MROH9: variants seen among roughly 807,000 people sequenced by gnomAD.
The protein encoded by MROH9 is maestro heat like repeat family member 9, also known as maestro heat-like repeat-containing protein family member 9.
Under a neutral mutation model 98.2 loss-of-function variants are expected in MROH9, and 92 were observed. The observed-to-expected ratio is 0.94, with a 90% CI of 0.79 to 1.11. The LOEUF is 1.11. Among genes scored for constraint, MROH9 ranks in the 50% most tolerant of loss-of-function variants. MROH9 has a pLI of 0.00. For synonymous variants in MROH9, 397 were observed against 368.9 expected (o/e 1.08, Z -0.87); for missense variants, 1,057 against 1,014.8 (o/e 1.04, Z -0.57).
At chr1:170,958,690 C>T (rs1025945168) in intron 4 of MROH9, 150 bp downstream of exon 4, 10 of 525,618 alleles carry the variant, frequency 1.9e-5, no homozygotes, top group African/African-American at 7.7e-5. Context: ...TATACTCTTT[C>T]CCAGTCTTTT....
Position 171,024,525 on chromosome 1 carries a change from A to T in MROH9, c.2039A>T (p.Asp680Val), listed in dbSNP as rs1249553278. Residue 680 changes from aspartate (D) to valine (V), a missense_variant, in exon 18 of 22, where the codon GAT becomes GTT. Physicochemically the swap from Asp to Val is radical, Grantham distance 152. Coordinates refer to ENST00000367759, the MANE Select transcript of MROH9 (RefSeq NM_001163629.2). The part of the protein sequence containing the change: ...GLVPLILFLE[D>V]DDKRVAEACK... The stretch of plus-strand genomic sequence containing the variant: ...GTGCCCCTAATCCTATTTTTGGAGG[A>T]TGATGATAAAAGAGTAGCTGAAGTA... The T allele has an allele frequency of 1.3e-5, 20 of 1,535,668 alleles. No individual in the cohort carries two copies. The East Asian group carries it at 4.9e-4, about 38-fold the overall frequency.
chr1:170,971,413 T>C (rs1334464219), intron 7 of MROH9, among the ~76,000 whole-genome samples: 1 of 152,184 alleles, frequency 6.6e-6, no homozygotes, highest in Non-Finnish European at 1.5e-5. Flanking sequence ...CCTGGGAATT[T>C]GCTACCTGCA....
chr1:171,033,932 A>C (rs1029453163), intron 20 of MROH9, among the ~76,000 whole-genome samples: 7 of 152,162 alleles, frequency 4.6e-5, no homozygotes, highest in Non-Finnish European at 8.8e-5. Flanking sequence ...TCATTTTTTC[A>C]AGAAATATTT....
intron 3 of MROH9, among the ~76,000 whole-genome samples, chr1:170,958,053 C>A (rs1038115509): frequency 6.6e-6 from 1 of 152,102 alleles, no homozygotes; most frequent in Admixed American, 6.5e-5. Flanking sequence ...TCGTGGTCCC[C>A]CCGCCTCGGC....
At position 171,053,019 on chromosome 1, in the gene MROH9, C is replaced by T. The variant is rs116477407; in HGVS notation, c.2282-9113C>T. Among the ~76,000 whole-genome samples the T allele has an allele frequency of 2.0e-3, 311 of 152,246 alleles. 1 individual carries two copies. The highest frequency in any genetic ancestry group is 7.3e-3 in the African/African-American group (304 of 41,544). ...TGACCAAGGGAACAGGTTGAGGCAC[C>T]TAGCAATGACCTATACAGAGCTGTC... On this transcript the variant is annotated intron_variant, in intron 20 of 21. Coordinates refer to ENST00000367759, the MANE Select transcript of MROH9 (RefSeq NM_001163629.2).
intron 16 of MROH9, among the ~76,000 whole-genome samples, chr1:171,015,522 G>T (rs1652295758): frequency 6.6e-6 from 1 of 151,612 alleles, no homozygotes; most frequent in Non-Finnish European, 1.5e-5. Context: ...ATTTCCTTTA[G>T]TCTTTTTCTC....
Position 171,017,424 on chromosome 1 carries a change from G to A in MROH9, c.1908+1088G>A, listed in dbSNP as rs776206086. ...GCCTGGGAAAACGTGTTTTTTCCAC[G>A]AAAATCCCACTTGTGAGCCCATGCC... On this transcript the variant is annotated intron_variant, in intron 17 of 21. Transcript: ENST00000367759. Among the ~76,000 whole-genome samples the A allele has an allele frequency of 4.6e-5, 7 of 152,158 alleles. No individual in the cohort carries two copies. In the South Asian group the frequency reaches 1.0e-3, roughly 23 times the overall value.
intron 3 of MROH9, among the ~76,000 whole-genome samples, chr1:170,956,005 T>C (rs757660931): frequency 2.1e-4 from 32 of 152,212 alleles, no homozygotes; most frequent in Non-Finnish European, 3.5e-4. Flanking sequence ...AGGTAAGAGA[T>C]GAGGATCCAG....
intron 9 of MROH9, among the ~76,000 whole-genome samples, chr1:170,985,088 A>G (rs1432073993): frequency 6.6e-6 from 1 of 152,174 alleles, no homozygotes; most frequent in Non-Finnish European, 1.5e-5. Context: ...AAGAGAGGAC[A>G]CTGTTTTGCA....
chr1:171,022,557 A>G (rs767268866), intron 17 of MROH9, among the ~76,000 whole-genome samples: 20 of 152,142 alleles, frequency 1.3e-4, no homozygotes, highest in Non-Finnish European at 2.1e-4. Flanking sequence ...ATGAAAACAC[A>G]TGGACACAAG....
chr1:170,958,440 T>G (rs929276740), intron 3 of MROH9, 21 bp from the exon 4 acceptor site: 1 of 1,430,470 alleles, frequency 7.0e-7, no homozygotes, highest in Admixed American at 2.0e-5. Context: ...TTTTTTTTTT[T>G]TTTTTTAACA....
intron 3 of MROH9, among the ~76,000 whole-genome samples, chr1:170,951,866 C>A (rs1035043372): frequency 6.6e-6 from 1 of 152,114 alleles, no homozygotes; most frequent in Non-Finnish European, 1.5e-5. Context: ...GTGAGAGCAC[C>A]TTTTGTGCAG....
At chr1:171,027,452 C>G (rs1652754386) in intron 20 of MROH9, among the ~76,000 whole-genome samples, 1 of 152,182 alleles carries the variant, frequency 6.6e-6, no homozygotes, top group Non-Finnish European at 1.5e-5. Context: ...TCCAGTCTAT[C>G]ATTGATGGGC....
In MROH9 at chr1:170,995,333, G is replaced by A. The variant is rs890625596; in HGVS notation, c.1195-56G>A. On this transcript the variant is annotated intron_variant, in intron 12 of 21. Coordinates refer to ENST00000367759, the MANE Select transcript of MROH9 (RefSeq NM_001163629.2). ...CTCTCTTGCTCCCCTCAGTAAGGTT[G>A]ACCGGGTTTAGAGAAAAATGTTTAC... is the stretch of plus-strand genomic sequence containing the variant. 4 of 1,599,816 alleles carry A rather than the reference G, an allele frequency of 2.5e-6. No individual in the cohort carries two copies. The African/African-American group carries it at 5.4e-5, about 21-fold the overall frequency.
chr1:170,945,475 A>T (rs1159478651), intron 1 of MROH9, 45 bp from the exon 2 acceptor site: 4 of 1,408,740 alleles, frequency 2.8e-6, no homozygotes, highest in Non-Finnish European at 4.0e-6. Flanking sequence ...ACAAAACTGT[A>T]GGAAAGTTTC....
chr1:170,985,368 G>A (rs1424397654), intron 9 of MROH9, among the ~76,000 whole-genome samples: 1 of 152,108 alleles, frequency 6.6e-6, no homozygotes, highest in Non-Finnish European at 1.5e-5. Context: ...TAACAACACG[G>A]CGTAGCAGTA....
At chr1:171,032,711 A>G (rs754528790) in intron 20 of MROH9, among the ~76,000 whole-genome samples, 28 of 152,266 alleles carry the variant, frequency 1.8e-4, no homozygotes, top group African/African-American at 4.3e-4. Context: ...TCGCTCTTGT[A>G]TAGGGTTTCT....
intron 20 of MROH9, among the ~76,000 whole-genome samples, chr1:171,053,328 C>G (rs1461615016): frequency 6.6e-6 from 1 of 152,208 alleles, no homozygotes; most frequent in Non-Finnish European, 1.5e-5. Context: ...GTCCCAAATA[C>G]TCCCAGGCTT....
chr1:171,019,723 GCAAA>G (rs571061859), intron 17 of MROH9, among the ~76,000 whole-genome samples: 6 of 148,994 alleles, frequency 4.0e-5, no homozygotes, highest in Non-Finnish European at 7.4e-5. Flanking sequence ...AGAAGCAGGA[GCAAA>G]CAAATTCAAA....
Sources: gnomAD v4.1 joint callset for allele counts (sites outside exome capture counted in the v4.1 genomes callset) on GRCh38, gnomAD v4.1.1 for gene constraint, MANE v1.5 for transcripts, NCBI Gene and HGNC (gene_info 2026-07-23, HGNC 2026-07-21) for gene names.